Variants in CSMD1 observed in about 807,000 individuals in gnomAD.
The protein encoded by CSMD1 is CUB and Sushi multiple domains 1.
CSMD1 carries 213 observed loss-of-function variants against 417.5 expected under a neutral mutation model. The ratio of observed to expected loss-of-function variants is 0.51; its 90% CI spans 0.46 to 0.57. The LOEUF is 0.57. Ranked by LOEUF, CSMD1 falls within the 20% of genes least tolerant of loss-of-function variation. The pLI, the probability that CSMD1 is intolerant of heterozygous loss-of-function variation, is 0.00. For missense variants in CSMD1, 6,923 were observed against 4,529.7 expected (o/e 1.53, Z -15.17); for synonymous variants, 2,862 against 1,736.8 (o/e 1.65, Z -16.11).
intron 1 of CSMD1, among the ~76,000 whole-genome samples, chr8:4,938,819 G>C (rs1016458123): frequency 2.0e-5 from 3 of 152,198 alleles, no homozygotes; most frequent in African/African-American, 7.2e-5. Context: ...TTTGGCAAAA[G>C]GTGCCAAACA....
In CSMD1 at chr8:3,455,742, A is replaced by G. The variant is rs148080997; in HGVS notation, c.1561+12970T>C. ...CCCCTACTGGGGATGCGTCCCAGTT[A>G]CGCTACTCAGGGGTCAGGGACCCAC... On this transcript the variant is annotated intron_variant, in intron 12 of 69. Transcript: ENST00000635120. Among the ~76,000 whole-genome samples, 352 of 152,320 alleles carry G rather than the reference A, an allele frequency of 2.3e-3. 3 individuals carry two copies. Among genetic ancestry groups the G allele is most frequent in the African/African-American group, 8.0e-3 (334 of 41,576 alleles).
intron 1 of CSMD1, among the ~76,000 whole-genome samples, chr8:4,665,676 C>G (rs1052186259): frequency 1.3e-5 from 2 of 152,140 alleles, no homozygotes; most frequent in Non-Finnish European, 2.9e-5. Flanking sequence ...TCCACCCACG[C>G]TGTTGCATGG....
intron 23 of CSMD1, among the ~76,000 whole-genome samples, chr8:3,324,811 T>C (rs1464926775): frequency 6.6e-6 from 1 of 152,222 alleles, no homozygotes; most frequent in Non-Finnish European, 1.5e-5. Context: ...CATTTACTAT[T>C]GAATGGTGCT....
In CSMD1 at chr8:4,233,452, G is replaced by A. The variant is rs553329062; in HGVS notation, c.415+186501C>T. Reference sequence around the variant, plus strand: ...CCCGAATGTGATGGTATTTGGAGATGGGACCTTTGGAAATGCTTTGATTAG... The same window carrying A: ...CCCGAATGTGATGGTATTTGGAGATAGGACCTTTGGAAATGCTTTGATTAG... On this transcript the variant is annotated intron_variant, in intron 3 of 69. Coordinates refer to ENST00000635120, the MANE Select transcript of CSMD1 (RefSeq NM_033225.6). Among the ~76,000 whole-genome samples the A allele has an allele frequency of 1.1e-4, 17 of 152,300 alleles. No homozygotes were observed. In the South Asian group the frequency reaches 3.1e-3, roughly 28 times the overall value.
intron 5 of CSMD1, among the ~76,000 whole-genome samples, chr8:3,770,019 C>T (rs1017144498): frequency 1.3e-5 from 2 of 152,066 alleles, no homozygotes; most frequent in Non-Finnish European, 2.9e-5. Flanking sequence ...TTTTTAGATC[C>T]GGCCAATTTT....
intron 1 of CSMD1, among the ~76,000 whole-genome samples, chr8:4,929,702 T>C (rs1393675423): frequency 6.6e-6 from 1 of 152,202 alleles, no homozygotes. Context: ...TTTATTTTTA[T>C]TTTTTCTGGA....
chr8:3,002,320 T>C (rs1807475417), intron 52 of CSMD1, among the ~76,000 whole-genome samples: 1 of 152,226 alleles, frequency 6.6e-6, no homozygotes, highest in African/African-American at 2.4e-5. Flanking sequence ...CAACGTGCTC[T>C]GTCGTGCATG....
chr8:3,443,131 G>C (rs1379679522), intron 12 of CSMD1, among the ~76,000 whole-genome samples: 2 of 152,162 alleles, frequency 1.3e-5, no homozygotes, highest in African/African-American at 2.4e-5. Flanking sequence ...ACATCCACTA[G>C]TGAGCAGTGT....
chr8:3,873,423 G>GTTT (rs1805615434), intron 5 of CSMD1, among the ~76,000 whole-genome samples: 1 of 151,978 alleles, frequency 6.6e-6, no homozygotes, highest in Non-Finnish European at 1.5e-5. Flanking sequence ...TGGAACTGGA[G>GTTT]GCCATTATCT....
intron 15 of CSMD1, among the ~76,000 whole-genome samples, chr8:3,404,070 A>C (rs1055437616): frequency 6.6e-6 from 1 of 152,210 alleles, no homozygotes; most frequent in Non-Finnish European, 1.5e-5. Flanking sequence ...TAGTATTACC[A>C]GACGATACTA....
intron 1 of CSMD1, among the ~76,000 whole-genome samples, chr8:4,798,663 G>C (rs1341505757): frequency 2.0e-5 from 3 of 152,040 alleles, no homozygotes; most frequent in Admixed American, 1.3e-4. Context: ...AACTATACCA[G>C]TCTTCCACCA....
intron 1 of CSMD1, among the ~76,000 whole-genome samples, chr8:4,821,430 T>C (rs867537716): frequency 4.6e-5 from 7 of 152,080 alleles, no homozygotes; most frequent in Admixed American, 1.3e-4. Context: ...TGATAGAAAA[T>C]TAAGGTAAAA....
chr8:4,235,182 T>A (rs560137443), intron 3 of CSMD1, among the ~76,000 whole-genome samples: 9 of 152,220 alleles, frequency 5.9e-5, no homozygotes, highest in African/African-American at 2.2e-4. Context: ...TTCAGAGGCA[T>A]CTCTCTCCTG....
At chr8:2,941,165 GT>G (rs1801847773) in intron 69 of CSMD1, among the ~76,000 whole-genome samples, 1 of 152,128 alleles carries the variant, frequency 6.6e-6, no homozygotes, top group Admixed American at 6.5e-5. Context: ...CATCTGAAAT[GT>G]TTTTCATTGA....
rs534656512 is a variant in CSMD1, at chr8:4,922,197, T to A, written c.85+72135A>T. Among the ~76,000 whole-genome samples the A allele has an allele frequency of 3.3e-5, 5 of 152,210 alleles. 1 individual carries two copies. In the South Asian group the frequency reaches 1.0e-3, roughly 32 times the overall value. ...AGTACTGCCTGTGTGTGCGAGTGTGTGCGTGCATGTCTGTCTGTGTTTTTT... is the reference window on the plus strand; with the variant it reads ...AGTACTGCCTGTGTGTGCGAGTGTGAGCGTGCATGTCTGTCTGTGTTTTTT... On this transcript the variant is annotated intron_variant, in intron 1 of 69. Coordinates refer to ENST00000635120, the MANE Select transcript of CSMD1 (RefSeq NM_033225.6).
At chr8:3,839,031 A>G (rs1195611847) in intron 5 of CSMD1, among the ~76,000 whole-genome samples, 1 of 127,972 alleles carries the variant, frequency 7.8e-6, no homozygotes, top group Non-Finnish European at 1.6e-5. Context: ...GATATTATAT[A>G]TATTTATTAT....
chr8:4,285,684 A>G (rs1797021613), intron 3 of CSMD1, among the ~76,000 whole-genome samples: 1 of 152,180 alleles, frequency 6.6e-6, no homozygotes, highest in African/African-American at 2.4e-5. Context: ...TGTAGGAAGA[A>G]TGGAGCTTTC....
intron 5 of CSMD1, among the ~76,000 whole-genome samples, chr8:3,785,069 G>A (rs928041268): frequency 3.3e-5 from 5 of 152,172 alleles, no homozygotes; most frequent in Admixed American, 1.3e-4. Flanking sequence ...CCCCTCAATA[G>A]CATAGTGGAC....
At chr8:4,903,220 A>G (rs1041825673) in intron 1 of CSMD1, among the ~76,000 whole-genome samples, 3 of 152,180 alleles carry the variant, frequency 2.0e-5, no homozygotes, top group African/African-American at 7.2e-5. Context: ...CTTCTCTCTG[A>G]CCAACCCTGC....
Sources: gnomAD v4.1 joint callset for allele counts (sites outside exome capture counted in the v4.1 genomes callset) on GRCh38, gnomAD v4.1.1 for gene constraint, MANE v1.5 for transcripts, NCBI Gene and HGNC (gene_info 2026-07-23, HGNC 2026-07-21) for gene names.